The following CTNNA2 variants were observed in gnomAD, a reference collection of about 807,000 sequenced individuals.
The protein encoded by CTNNA2 is catenin alpha 2.
A neutral mutation model predicts 101.0 loss-of-function variants in CTNNA2; 42 were observed. That is an observed-to-expected ratio of 0.42 (90% confidence interval 0.32 to 0.54). CTNNA2 has a LOEUF of 0.54. Ranked by LOEUF, CTNNA2 falls within the 20% of genes least tolerant of loss-of-function variation. The pLI is 0.14. For synonymous variants in CTNNA2, 450 were observed against 456.4 expected (o/e 0.99, Z 0.18); for missense variants, 871 against 1,223.1 (o/e 0.71, Z 4.29).
At chr2:79,432,159 A>C (rs1678665463) in intron 4 of CTNNA2, among the ~76,000 whole-genome samples, 1 of 152,310 alleles carries the variant, frequency 6.6e-6, no homozygotes, top group Middle Eastern at 3.4e-3. Context: ...CTCTGGTAAT[A>C]AATTTCTTCA....
chr2:79,488,708 C>T (rs1671181341), intron 4 of CTNNA2, among the ~76,000 whole-genome samples: 1 of 152,234 alleles, frequency 6.6e-6, no homozygotes, highest in African/African-American at 2.4e-5. Context: ...TCTCAATGAA[C>T]AATTTCTTGA....
At chr2:79,471,279 A>G (rs1007768522) in intron 4 of CTNNA2, among the ~76,000 whole-genome samples, 2 of 152,150 alleles carry the variant, frequency 1.3e-5, no homozygotes, top group African/African-American at 4.8e-5. Flanking sequence ...TTGAGATGCT[A>G]TTAAAAATAC....
rs1293165468 is a variant in CTNNA2 at position 79,611,548 on chromosome 2, C to T, written c.-5-40004C>T. Among the ~76,000 whole-genome samples the T allele has an allele frequency of 2.6e-5, 4 of 152,240 alleles. No individual in the cohort carries two copies. The East Asian group carries it at 7.7e-4, about 29-fold the overall frequency. ...TCATGAAAAGTGCTTCTACAGTGAACGTATCCTGAAAACATATTGCTGCTT... is the reference window on the plus strand; with the variant it reads ...TCATGAAAAGTGCTTCTACAGTGAATGTATCCTGAAAACATATTGCTGCTT... On this transcript the variant is annotated intron_variant, in intron 1 of 18. Coordinates refer to ENST00000402739, the MANE Select transcript of CTNNA2 (RefSeq NM_001282597.3).
chr2:79,979,137 G>A (rs1443326924), intron 7 of CTNNA2, among the ~76,000 whole-genome samples: 1 of 152,120 alleles, frequency 6.6e-6, no homozygotes. Flanking sequence ...TGTAATCCCC[G>A]AGACTCCAGA....
chr2:79,642,921 C>T (rs937717093), intron 1 of CTNNA2, among the ~76,000 whole-genome samples: 3 of 151,996 alleles, frequency 2.0e-5, no homozygotes, highest in Non-Finnish European at 4.4e-5. Context: ...AGGCCGGGCA[C>T]GGTGGCTATG....
chr2:80,493,921 G>C (rs1687247963), intron 9 of CTNNA2, among the ~76,000 whole-genome samples: 1 of 152,136 alleles, frequency 6.6e-6, no homozygotes, highest in Non-Finnish European at 1.5e-5. Context: ...TCAAAGAAGT[G>C]GTTTCTACAC....
At chr2:80,338,040 C>T (rs184766438) in intron 7 of CTNNA2, among the ~76,000 whole-genome samples, 111 of 151,906 alleles carry the variant, frequency 7.3e-4, no homozygotes, top group African/African-American at 2.4e-3. Flanking sequence ...CCAGGCTGGA[C>T]TGCAGTAGCA....
chr2:79,804,616 G>A (rs1676422149), intron 3 of CTNNA2, among the ~76,000 whole-genome samples: 1 of 152,010 alleles, frequency 6.6e-6, no homozygotes, highest in African/African-American at 2.4e-5. Context: ...TGAAATGTGA[G>A]CATAGATTAT....
At chr2:80,246,792 G>T (rs1294721451) in intron 7 of CTNNA2, among the ~76,000 whole-genome samples, 1 of 152,156 alleles carries the variant, frequency 6.6e-6, no homozygotes, top group Non-Finnish European at 1.5e-5. Flanking sequence ...ACCACTTCTG[G>T]CATCTGCACA....
intron 4 of CTNNA2, among the ~76,000 whole-genome samples, chr2:79,382,456 C>T (rs1281377229): frequency 9.2e-5 from 14 of 152,024 alleles, no homozygotes; most frequent in Admixed American, 9.2e-4. Context: ...CCAACAAATA[C>T]ATGCTATTAC....
intron 1 of CTNNA2, among the ~76,000 whole-genome samples, chr2:79,591,905 A>C (rs966245963): frequency 5.9e-5 from 5 of 85,380 alleles, no homozygotes; most frequent in African/African-American, 2.1e-4. Context: ...TTTTGAAAAA[A>C]AAATTTTTTT....
intron 7 of CTNNA2, among the ~76,000 whole-genome samples, chr2:80,147,532 A>G (rs987347674): frequency 3.3e-5 from 5 of 152,186 alleles, no homozygotes; most frequent in African/African-American, 9.7e-5. Context: ...ATGAACTCCA[A>G]CAGGACTCCC....
chr2:79,402,407 G>A (rs566558484), intron 4 of CTNNA2, among the ~76,000 whole-genome samples: 8 of 151,884 alleles, frequency 5.3e-5, no homozygotes, highest in Non-Finnish European at 1.0e-4. Flanking sequence ...ACTCCCAGTG[G>A]TTGCCTGAAA....
At chr2:80,478,630 G>T (rs573998383) in intron 9 of CTNNA2, among the ~76,000 whole-genome samples, 1 of 152,186 alleles carries the variant, frequency 6.6e-6, no homozygotes, top group African/African-American at 2.4e-5. Flanking sequence ...TTGTTGAATA[G>T]AGTGTTCTTT....
At chr2:80,109,829 C>T (rs951792714) in intron 7 of CTNNA2, among the ~76,000 whole-genome samples, 1 of 152,158 alleles carries the variant, frequency 6.6e-6, no homozygotes, top group Admixed American at 6.5e-5. Flanking sequence ...ACGGTGCTCA[C>T]TAAATGCTTT....
intron 7 of CTNNA2, among the ~76,000 whole-genome samples, chr2:80,129,062 ATT>A (rs750566219): frequency 3.9e-5 from 6 of 152,210 alleles, no homozygotes; most frequent in Non-Finnish European, 5.9e-5. Flanking sequence ...CCAAGATATG[ATT>A]CTAAGATGGA....
chr2:79,738,723 AC>A, intron 2 of CTNNA2, among the ~76,000 whole-genome samples: 1 of 152,326 alleles, frequency 6.6e-6, no homozygotes, highest in South Asian at 2.1e-4. Flanking sequence ...GATTTTAGCA[AC>A]CTGTTAACTA....
At chr2:80,201,509 G>A (rs184707249) in intron 7 of CTNNA2, among the ~76,000 whole-genome samples, 2,017 of 151,682 alleles carry the variant, frequency 0.013, 56 homozygotes, top group African/African-American at 0.046. Context: ...GAGTAGCTGG[G>A]ACTACAGGCG....
intron 7 of CTNNA2, among the ~76,000 whole-genome samples, chr2:80,055,821 G>C (rs541410133): frequency 6.6e-6 from 1 of 152,120 alleles, no homozygotes; most frequent in South Asian, 2.1e-4. Flanking sequence ...TGCCTTCAGT[G>C]CAGCTGACTA....
Sources: allele counts gnomAD v4.1 joint callset (sites outside exome capture counted in the v4.1 genomes callset), GRCh38; gene constraint gnomAD v4.1.1; transcripts MANE v1.5; gene names NCBI Gene and HGNC (gene_info 2026-07-23, HGNC 2026-07-21).